Variants in ASTN2 observed in about 807,000 individuals in gnomAD.
The protein encoded by ASTN2 is astrotactin-2.
ASTN2 carries 54 observed loss-of-function variants against 139.8 expected under a neutral mutation model. The ratio of observed to expected loss-of-function variants is 0.39; its 90% CI spans 0.31 to 0.48. The LOEUF (loss-of-function observed/expected upper bound fraction) is 0.48. Ranked by LOEUF, ASTN2 falls within the 20% of genes least tolerant of loss-of-function variation. The pLI, the probability that ASTN2 is intolerant of heterozygous loss-of-function variation, is 0.95. For missense variants in ASTN2, 1,565 were observed against 1,725.1 expected, an observed-to-expected ratio of 0.91 and a Z score of 1.64; for synonymous variants, 756 against 719.5, an observed-to-expected ratio of 1.05 and a Z score of -0.81.
In ASTN2 at chr9:116,798,908, G is replaced by C. The variant is rs574935195; in HGVS notation, c.2396+6724C>G. On this transcript the variant is annotated intron_variant, in intron 13 of 22. Coordinates refer to ENST00000313400, the MANE Select transcript of ASTN2 (RefSeq NM_001365068.1). ...AGGCCACTGAAGTTTGAAATTGTTTGTTCCCAAGACACAAACGAATGCATT... is the reference window on the plus strand; with the variant it reads ...AGGCCACTGAAGTTTGAAATTGTTTCTTCCCAAGACACAAACGAATGCATT... 3.3e-5 allele frequency among the ~76,000 whole-genome samples: 5 copies of C among 152,280 alleles called. No homozygotes were observed. In the East Asian group the frequency reaches 7.7e-4, roughly 24 times the overall value.
rs1225018464 is a variant in ASTN2, at chr9:116,698,254, A to G, written c.2806+27517T>C. 6.2e-7 allele frequency: 1 copy of G among 1,614,000 alleles called. No individual in the cohort carries two copies. The highest frequency in any genetic ancestry group is 8.5e-7 in the Non-Finnish European group (1 of 1,180,024). On this transcript the variant is annotated intron_variant, in intron 16 of 22. Transcript: ENST00000313400. This position sits in a 1 kb window ranked among gnomAD's most constrained non-coding sequence, Gnocchi z 4.4. ...CTGCAGCGGCGGAAGGCAGCCTTGG[A>G]AGGTGTCTCCAAGGACCTTCAGGCA... is the stretch of plus-strand genomic sequence containing the variant.
At chr9:117,152,405 T>C (rs989389507) in intron 3 of ASTN2, among the ~76,000 whole-genome samples, 9 of 152,144 alleles carry the variant, frequency 5.9e-5, no homozygotes, top group Non-Finnish European at 1.3e-4. Context: ...TTCATCTCCA[T>C]TCTACTTCAT....
At chr9:117,003,210 C>T (rs1263975391) in intron 7 of ASTN2, among the ~76,000 whole-genome samples, 1 of 152,094 alleles carries the variant, frequency 6.6e-6, no homozygotes, top group African/African-American at 2.4e-5. Flanking sequence ...TGAGTCATCC[C>T]CTGTGAGTGC....
chr9:116,994,162 C>T, intron 7 of ASTN2, among the ~76,000 whole-genome samples: 1 of 151,864 alleles, frequency 6.6e-6, no homozygotes, highest in Non-Finnish European at 1.5e-5. Flanking sequence ...CTGTAAAGAG[C>T]CAAATGACAA....
At chr9:116,734,164 T>C (rs1282650622) in intron 13 of ASTN2, among the ~76,000 whole-genome samples, 1 of 152,000 alleles carries the variant, frequency 6.6e-6, no homozygotes, top group Non-Finnish European at 1.5e-5. Flanking sequence ...ACCTGATAGG[T>C]TAGACTCAAA....
chr9:116,731,937 T>A (rs1828796486), intron 14 of ASTN2, among the ~76,000 whole-genome samples: 1 of 152,200 alleles, frequency 6.6e-6, no homozygotes. Context: ...ATAGACTTGA[T>A]TCCTCATTAG....
chr9:116,765,118 G>C (rs564750111), intron 13 of ASTN2, among the ~76,000 whole-genome samples: 1 of 152,270 alleles, frequency 6.6e-6, no homozygotes, highest in Admixed American at 6.5e-5. Flanking sequence ...GGCTGAATTA[G>C]GGTAATTCAG....
intron 3 of ASTN2, among the ~76,000 whole-genome samples, chr9:117,167,230 C>T (rs1397530863): frequency 6.6e-6 from 1 of 152,078 alleles, no homozygotes; most frequent in Non-Finnish European, 1.5e-5. Context: ...ATCAGTTTAT[C>T]TATCTATCTA....
At chr9:116,882,729 A>C (rs1354723728) in intron 10 of ASTN2, among the ~76,000 whole-genome samples, 1 of 152,174 alleles carries the variant, frequency 6.6e-6, no homozygotes, top group Non-Finnish European at 1.5e-5. Context: ...TGGGAGGCCA[A>C]GGCAGGAGGA....
At chr9:116,800,579 C>T (rs1830821404) in intron 13 of ASTN2, among the ~76,000 whole-genome samples, 1 of 151,954 alleles carries the variant, frequency 6.6e-6, no homozygotes, top group South Asian at 2.1e-4. Context: ...CCTGTGGCAC[C>T]TGGGTCCTCA....
At chr9:117,319,771 G>C (rs1332666218) in intron 1 of ASTN2, among the ~76,000 whole-genome samples, 3 of 151,996 alleles carry the variant, frequency 2.0e-5, no homozygotes, top group Non-Finnish European at 2.9e-5. Context: ...TGAGGTATTT[G>C]AGTTTCCTCC....
At chr9:116,614,543 C>T (rs1225610045) in intron 19 of ASTN2, among the ~76,000 whole-genome samples, 2 of 152,022 alleles carry the variant, frequency 1.3e-5, no homozygotes, top group Non-Finnish European at 2.9e-5. Context: ...CAATGGAACA[C>T]AATAGAGCCC....
rs78157895 is a variant in ASTN2, at chr9:117,287,412, C to T, written c.630+3914G>A. On this transcript the variant is annotated intron_variant, in intron 2 of 22. Coordinates refer to ENST00000313400, the MANE Select transcript of ASTN2 (RefSeq NM_001365068.1). ...AAATCTTATCAATTTAAATCAACAA[C>T]GGATGCATAGAGAAGGAAAATGGTG... Among the ~76,000 whole-genome samples the T allele has an allele frequency of 3.0e-3, 461 of 152,182 alleles. 2 individuals are homozygous for T. Among genetic ancestry groups the T allele is most frequent in the Non-Finnish European group, 4.7e-3 (323 of 68,024 alleles).
chr9:117,179,006 C>T (rs1037693245), intron 3 of ASTN2, among the ~76,000 whole-genome samples: 2 of 152,178 alleles, frequency 1.3e-5, no homozygotes, highest in South Asian at 2.1e-4. Flanking sequence ...GTAGATGAAG[C>T]GGATATTCCC....
At position 116,433,158 on chromosome 9, in the gene ASTN2, A is replaced by T. The variant is rs543109692; in HGVS notation, c.3783-7070T>A. Among the ~76,000 whole-genome samples, 8 of 152,346 alleles carry T rather than the reference A, an allele frequency of 5.3e-5. No homozygotes were observed. In the East Asian group the frequency reaches 1.3e-3, roughly 26 times the overall value. On this transcript the variant is annotated intron_variant, in intron 22 of 22. Transcript: ENST00000313400. ...TTTATGTGGATTTGTTTATAATAAC[A>T]AAGAAACTGTAAGAAATCTAGTTGG...
chr9:116,925,837 C>A (rs1834737299), intron 10 of ASTN2, among the ~76,000 whole-genome samples: 1 of 149,728 alleles, frequency 6.7e-6, no homozygotes, highest in Admixed American at 6.9e-5. Flanking sequence ...GTCCTGCCCC[C>A]ATATGCAAGG....
chr9:117,327,328 A>G (rs1828551385), intron 1 of ASTN2, among the ~76,000 whole-genome samples: 1 of 152,134 alleles, frequency 6.6e-6, no homozygotes, highest in Non-Finnish European at 1.5e-5. Context: ...TTACTTCCTT[A>G]TCAGTCCCCA....
intron 4 of ASTN2, among the ~76,000 whole-genome samples, chr9:117,121,178 T>C (rs1042637320): frequency 3.3e-5 from 5 of 152,244 alleles, no homozygotes; most frequent in African/African-American, 1.2e-4. Context: ...CGTTACATAA[T>C]CTGAAGAACA....
At chr9:117,038,486 CA>C (rs1485257877) in intron 6 of ASTN2, among the ~76,000 whole-genome samples, 1 of 151,798 alleles carries the variant, frequency 6.6e-6, no homozygotes, top group Non-Finnish European at 1.5e-5. Flanking sequence ...GTCCTTATCA[CA>C]AAAAAATTAT....
Sources: gnomAD v4.1 joint callset for allele counts (sites outside exome capture counted in the v4.1 genomes callset) on GRCh38, gnomAD v4.1.1 for gene constraint, Gnocchi (gnomAD v3.1) non-coding constraint, MANE v1.5 for transcripts, NCBI Gene and HGNC (gene_info 2026-07-23, HGNC 2026-07-21) for gene names.